ANO4: variants seen among roughly 807,000 people sequenced by gnomAD.
ANO4 encodes anoctamin 4.
Under a neutral mutation model 141.9 loss-of-function variants are expected in ANO4, and 69 were observed. The observed-to-expected ratio is 0.49, with a 90% CI of 0.40 to 0.59. The LOEUF (loss-of-function observed/expected upper bound fraction) is 0.59, where lower values mean the gene tolerates loss of function less well. ANO4 is among the 20% of genes least tolerant of loss of function. The pLI is 0.00. For missense variants in ANO4, 894 were observed against 1,162.2 expected (o/e 0.77, Z 3.36); for synonymous variants, 350 against 394.3 (o/e 0.89, Z 1.33).
At chr12:100,822,930 G>A (rs968771) in intron 1 of ANO4, among the ~76,000 whole-genome samples, 126,737 of 152,012 alleles carry the variant, frequency 0.83, 52,903 homozygotes, top group Admixed American at 0.88. Flanking sequence ...ACCGTTTGCT[G>A]TATTTTGCTT....
At chr12:100,838,790 C>T (rs1235736351) in intron 1 of ANO4, among the ~76,000 whole-genome samples, 1 of 152,136 alleles carries the variant, frequency 6.6e-6, no homozygotes, top group Non-Finnish European at 1.5e-5. Flanking sequence ...ATTTGAAGGT[C>T]ATTAATCCTA....
At chr12:100,981,749 G>GC (rs1188361519) in intron 7 of ANO4, among the ~76,000 whole-genome samples, 2 of 152,108 alleles carry the variant, frequency 1.3e-5, no homozygotes, top group African/African-American at 4.8e-5. Context: ...CTCAGGCTAT[G>GC]CCCACAGCAT....
At chr12:101,041,533 G>A (rs774131699) in intron 11 of ANO4, among the ~76,000 whole-genome samples, 8 of 152,200 alleles carry the variant, frequency 5.3e-5, no homozygotes, top group Admixed American at 2.6e-4. Flanking sequence ...AAGATTTTGC[G>A]GTTTTGGTTA....
chr12:100,726,986 G>C (rs891013334), intron 1 of ANO4, among the ~76,000 whole-genome samples: 3 of 143,400 alleles, frequency 2.1e-5, no homozygotes, highest in Middle Eastern at 3.5e-3. Context: ...CCCTAAAAAG[G>C]ACTTCTACTC....
At chr12:101,004,750 A>T (rs1370368033) in intron 8 of ANO4, among the ~76,000 whole-genome samples, 2 of 152,230 alleles carry the variant, frequency 1.3e-5, no homozygotes, top group African/African-American at 4.8e-5. Flanking sequence ...CCTTGGAAAG[A>T]TGAAAATTTT....
chr12:101,072,300 A>G (rs913242155), intron 14 of ANO4, among the ~76,000 whole-genome samples: 1 of 152,178 alleles, frequency 6.6e-6, no homozygotes, highest in African/African-American at 2.4e-5. Flanking sequence ...AAAATGACAT[A>G]TATCACTTCT....
intron 2 of ANO4, among the ~76,000 whole-genome samples, chr12:100,906,865 C>T (rs2040867120): frequency 6.6e-6 from 1 of 152,060 alleles, no homozygotes; most frequent in African/African-American, 2.4e-5. Flanking sequence ...GGTGCCAGGG[C>T]TATTGGAGAA....
At chr12:101,051,914 G>A (rs2047888791) in intron 14 of ANO4, among the ~76,000 whole-genome samples, 1 of 152,158 alleles carries the variant, frequency 6.6e-6, no homozygotes, top group South Asian at 2.1e-4. Context: ...CTATAAAAAT[G>A]TGTCAGTTCT....
chr12:100,731,574 T>A (rs1030116719), intron 1 of ANO4, among the ~76,000 whole-genome samples: 4 of 152,210 alleles, frequency 2.6e-5, no homozygotes, highest in Non-Finnish European at 4.4e-5. Context: ...AATTTAATAA[T>A]GACTTGTATC....
rs1278871051 is a variant in ANO4 at position 101,110,562 on chromosome 12, T to A, written c.2302+6T>A. ...TTCAAGGGCCAAAGACATAGGTAAG[T>A]TGGATTTGGGTATGTTTTTAAAAAA... On this transcript the variant is annotated splice_donor_region_variant and intron_variant, in intron 23 of 27. Transcript: ENST00000392977. 1.3e-6 allele frequency: 2 copies of A among 1,561,552 alleles called. No individual in the cohort carries two copies. The highest frequency in any genetic ancestry group is 2.7e-5 in the African/African-American group (2 of 72,922).
chr12:101,060,735 A>G (rs1265096428), intron 14 of ANO4, among the ~76,000 whole-genome samples: 1 of 151,952 alleles, frequency 6.6e-6, no homozygotes, highest in Non-Finnish European at 1.5e-5. Flanking sequence ...TGCTTGGTAA[A>G]TATTCTCCAT....
chr12:100,772,165 C>T (rs574058526), intron 3 of ANO4, among the ~76,000 whole-genome samples: 1 of 152,258 alleles, frequency 6.6e-6, no homozygotes, highest in East Asian at 1.9e-4. Context: ...ATTATTACCA[C>T]CATAAGAACA....
intron 26 of ANO4, among the ~76,000 whole-genome samples, chr12:101,125,893 C>A (rs540033711): frequency 6.6e-6 from 1 of 152,270 alleles, no homozygotes; most frequent in African/African-American, 2.4e-5. Flanking sequence ...CAGGATGACA[C>A]TGGCCTCATA....
At chr12:100,796,302 G>A (rs771009447) in intron 1 of ANO4, among the ~76,000 whole-genome samples, 1 of 151,988 alleles carries the variant, frequency 6.6e-6, no homozygotes, top group Admixed American at 6.6e-5. Context: ...GAGAATGTGG[G>A]GTGAAATTTC....
At chr12:101,126,793 G>A in intron 26 of ANO4, 86 bp from the exon 27 acceptor site, 3 of 1,254,262 alleles carry the variant, frequency 2.4e-6, no homozygotes, top group Non-Finnish European at 3.4e-6. Context: ...ATACCCCAGA[G>A]GGTCCACATC....
chr12:100,977,318 T>A (rs1254537534), intron 7 of ANO4, among the ~76,000 whole-genome samples: 1 of 152,188 alleles, frequency 6.6e-6, no homozygotes, highest in Non-Finnish European at 1.5e-5. Context: ...TGAGTTTATC[T>A]GCCAAGTAGT....
chr12:100,817,709 T>C (rs2135724736), intron 1 of ANO4, among the ~76,000 whole-genome samples: 1 of 152,052 alleles, frequency 6.6e-6, no homozygotes, highest in African/African-American at 2.4e-5. Flanking sequence ...AGAAGACCTC[T>C]TATCCTAAAT....
Position 101,110,489 on chromosome 12 carries a change from T to G in ANO4, c.2235T>G (p.Ile745Met), listed in dbSNP as rs776950820. 6.2e-7 allele frequency: 1 copy of G among 1,612,048 alleles called. No homozygotes were observed. Among genetic ancestry groups the G allele is most frequent in the Non-Finnish European group, 8.5e-7 (1 of 1,179,068 alleles). ...CCTTACTGAATAACATAATTGAAATTCGACTTGATGCTTACAAATTTGTCA... is the reference window on the plus strand; with the variant it reads ...CCTTACTGAATAACATAATTGAAATGCGACTTGATGCTTACAAATTTGTCA... ...LLALLNNIIE[I>M]RLDAYKFVTQ... Residue 745 changes from isoleucine (I) to methionine (M), a missense_variant, in exon 23 of 28, where the codon ATT (isoleucine) becomes ATG (methionine). This residue lies in a region of ANO4 where 637 missense variants were observed against 909.2 expected (regional missense o/e 0.70). Transcript: ENST00000392977.
At chr12:100,754,884 C>T (rs1054894305) in intron 3 of ANO4, among the ~76,000 whole-genome samples, 2 of 152,030 alleles carry the variant, frequency 1.3e-5, no homozygotes, top group Non-Finnish European at 2.9e-5. Flanking sequence ...AGACAGAAAG[C>T]AGATTTGTGA....
Sources: gnomAD v4.1 joint callset for allele counts (sites outside exome capture counted in the v4.1 genomes callset) on GRCh38, gnomAD v4.1.1 for gene constraint, gnomAD v4.1.1 regional missense constraint, MANE v1.5 for transcripts, NCBI Gene and HGNC (gene_info 2026-07-23, HGNC 2026-07-21) for gene names.